Variants in EDC4 observed in about 807,000 individuals in gnomAD.
The protein encoded by EDC4 is enhancer of mRNA-decapping protein 4.
Under a neutral mutation model 155.8 loss-of-function variants are expected in EDC4, and 64 were observed. That is an observed-to-expected ratio of 0.41 (90% CI 0.34 to 0.51). The LOEUF is 0.51. Among genes scored for constraint, EDC4 ranks in the 20% least tolerant of loss-of-function variants. The probability of loss-of-function intolerance (pLI) is 0.19; values close to 1 mark genes in which losing one functional copy is unlikely to be tolerated. For synonymous variants in EDC4, 684 were observed against 716.8 expected (o/e 0.95, Z 0.73); for missense variants, 1,303 against 1,812.5 (o/e 0.72, Z 5.10).
In EDC4 at chr16:67,880,887, C is replaced by T. The variant is rs1172544318; in HGVS notation, c.2428C>T (p.Leu810Phe). 6.2e-7 allele frequency: 1 copy of T among 1,613,882 alleles called. No individual in the cohort carries two copies. Among genetic ancestry groups the T allele is most frequent in the East Asian group, 2.2e-5 (1 of 44,892 alleles). The change falls in exon 18 of 29, where the codon CTC becomes TTC. Residue 810 changes from leucine (L) to phenylalanine (F), a missense_variant. Physicochemically the swap from Leu to Phe is conservative, Grantham distance 22 (BLOSUM62 0). Transcript: ENST00000358933. This position sits in a 1 kb window ranked among gnomAD's most constrained non-coding sequence, Gnocchi z 5.2. ...GDGDRHNTPSLLEAALTQEAS... is the reference protein window; with the variant it reads ...GDGDRHNTPSFLEAALTQEAS... ...TGGAGATCGGCATAATACCCCCTCC[C>T]TCCTGGAGGCAGCCTTGACCCAGGA...
Position 67,879,903 on chromosome 16 carries a change from TAGC to T in EDC4, c.1882_1884del (p.Ser629del). The T allele has an allele frequency of 6.2e-7, 1 of 1,613,314 alleles. No homozygotes were observed. The highest frequency in any genetic ancestry group is 8.5e-7 in the Non-Finnish European group (1 of 1,179,656). On this transcript the variant is annotated inframe_deletion, in exon 16 of 29. Coordinates refer to ENST00000358933, the MANE Select transcript of EDC4 (RefSeq NM_014329.5). The surrounding 1 kb of genome is among the most constrained non-coding windows in gnomAD (Gnocchi z 6.0). ...GCGGTAGCAGCAGCAGCAGCAGCAG[TAGC>T]AGCAGCTCCCTTACAGCTGTGTCTG...
Position 67,881,154 on chromosome 16 carries a change from C to T in EDC4, c.2610C>T (p.Asp870=), listed in dbSNP as rs1252677840. The part of the protein sequence containing the change: ...RPPYHLLQQR[D]SQDASAEQSD... ...CATATCACCTGCTGCAGCAACGTGA[C>T]AGCCAGGATGCCAGTGCTGAGCAAA... The change falls in exon 19 of 29, where the codon GAC becomes GAT. Residue 870 remains aspartate, a synonymous_variant. Coordinates refer to ENST00000358933, the MANE Select transcript of EDC4 (RefSeq NM_014329.5). The surrounding 1 kb of genome is among the most constrained non-coding windows in gnomAD (Gnocchi z 5.4). The T allele has an allele frequency of 1.2e-6, 2 of 1,614,156 alleles. No individual in the cohort carries two copies. Among genetic ancestry groups the T allele is most frequent in the South Asian group, 1.1e-5 (1 of 91,082 alleles).
At position 67,876,893 on chromosome 16, in the gene EDC4, C is replaced by G. The variant is rs2058043951; in HGVS notation, c.372C>G (p.Ala124=). The part of the protein sequence containing the change: ...GSNKVKIQPV[A]KYDWEQKYYY... ...CTCAGGTGAAAATTCAGCCTGTCGC[C>G]AAGTATGACTGGGAACAGAAGTACT... Residue 124 remains alanine, a synonymous_variant, in exon 4 of 29, where the codon GCC becomes GCG. Coordinates refer to ENST00000358933, the MANE Select transcript of EDC4 (RefSeq NM_014329.5). The surrounding 1 kb of genome is among the most constrained non-coding windows in gnomAD (Gnocchi z 5.8). 1 of 1,614,066 alleles carries G rather than the reference C, an allele frequency of 6.2e-7. No individual in the cohort carries two copies. Among genetic ancestry groups the G allele is most frequent in the African/African-American group, 1.3e-5 (1 of 74,946 alleles).
At position 67,882,619 on chromosome 16, in the gene EDC4, G is replaced by T. The variant is rs777869582; in HGVS notation, c.3442+25G>T. 2 of 1,614,250 alleles carry T rather than the reference G, an allele frequency of 1.2e-6. No homozygotes were observed. The highest frequency in any genetic ancestry group is 1.7e-6 in the Non-Finnish European group (2 of 1,180,052). On this transcript the variant is annotated intron_variant, in intron 25 of 28. Coordinates refer to ENST00000358933, the MANE Select transcript of EDC4 (RefSeq NM_014329.5). This position sits in a 1 kb window ranked among gnomAD's most constrained non-coding sequence, Gnocchi z 7.2. ...TGTGAGTGGGGTCATATGGCCCAAG[G>T]TGGGAGGGGTTATCCTCTTTCCTAC...
In EDC4 at chr16:67,877,322, A is replaced by G; in HGVS notation, c.557A>G (p.His186Arg). Residue 186 changes from histidine (H) to arginine (R), a missense_variant, in exon 5 of 29, where the codon CAC becomes CGC. Around this residue, in one of 5 missense-constraint regions of EDC4, gnomAD observed 235 missense variants for 367.7 expected, o/e 0.64. Coordinates refer to ENST00000358933, the MANE Select transcript of EDC4 (RefSeq NM_014329.5). The surrounding 1 kb of genome is among the most constrained non-coding windows in gnomAD (Gnocchi z 4.9). ...AGTGTGGCTGATCTGGCTTTCGCGCACCTCAACTCTCCACAGCTGGCCTGC... is the reference window on the plus strand; with the variant it reads ...AGTGTGGCTGATCTGGCTTTCGCGCGCCTCAACTCTCCACAGCTGGCCTGC... Reference protein sequence around the residue: ...TGSVADLAFAHLNSPQLACLD... With the variant: ...TGSVADLAFARLNSPQLACLD... 6.2e-7 allele frequency: 1 copy of G among 1,614,074 alleles called. No individual in the cohort carries two copies. The highest frequency in any genetic ancestry group is 8.5e-7 in the Non-Finnish European group (1 of 1,180,026).
chr16:67,874,471 C>T lies in EDC4; in HGVS notation c.82+1128C>T, dbSNP rs374652631. Among the ~76,000 whole-genome samples the T allele has an allele frequency of 1.2e-3, 189 of 152,270 alleles. 2 individuals are homozygous for T. The Middle Eastern group carries it at 0.031, about 25-fold the overall frequency. ...CTTTGTCCCAGGCCTGGAGTGTGTG[C>T]CCTCTTTACTCATGAGTTGGGCGTG... On this transcript the variant is annotated intron_variant, in intron 1 of 28. Coordinates refer to ENST00000358933, the MANE Select transcript of EDC4 (RefSeq NM_014329.5).
rs2058041366 is a variant in EDC4, at chr16:67,876,405, G to A, written c.240-83G>A. 1.3e-6 allele frequency: 2 copies of A among 1,550,326 alleles called. No individual in the cohort carries two copies. Among genetic ancestry groups the A allele is most frequent in the South Asian group, 1.2e-5 (1 of 81,908 alleles). On this transcript the variant is annotated intron_variant, in intron 2 of 28. Transcript: ENST00000358933. This position sits in a 1 kb window ranked among gnomAD's most constrained non-coding sequence, Gnocchi z 5.8. ...TTGGACTAGATACCTTCCCCAGTCT[G>A]GCTATGTCCTCGCTTCCTCCCAACC...
At position 67,881,283 on chromosome 16, in the gene EDC4, G is replaced by A. The variant is rs376988427; in HGVS notation, c.2655G>A (p.Val885=). The change falls in exon 20 of 29, where the codon GTG becomes GTA. Residue 885 remains valine (V), a synonymous_variant. Coordinates refer to ENST00000358933, the MANE Select transcript of EDC4 (RefSeq NM_014329.5). The surrounding 1 kb of genome is among the most constrained non-coding windows in gnomAD (Gnocchi z 5.4). ...CCCACAGTGACCATGATGATGAGGT[G>A]GCCAGCCTTGCCTCTGCTTCAGGAG... is the stretch of plus-strand genomic sequence containing the variant. ...SAEQSDHDDE[V]ASLASASGGF... 1 of 1,614,082 alleles carries A rather than the reference G, an allele frequency of 6.2e-7. No individual in the cohort carries two copies. Among genetic ancestry groups the A allele is most frequent in the South Asian group, 1.1e-5 (1 of 91,082 alleles).
At chr16:67,875,342 G>T (rs942294223) in intron 1 of EDC4, among the ~76,000 whole-genome samples, 5 of 152,132 alleles carry the variant, frequency 3.3e-5, no homozygotes, top group African/African-American at 4.8e-5. Context: ...GCCCTTCCAT[G>T]CCTTAGGAGC....
At position 67,880,790 on chromosome 16, in the gene EDC4, C is replaced by T. The variant is rs2151305709; in HGVS notation, c.2331C>T (p.His777=). The T allele has an allele frequency of 2.5e-6, 4 of 1,614,068 alleles. No individual in the cohort carries two copies. The highest frequency in any genetic ancestry group is 1.1e-5 in the South Asian group (1 of 91,088). ...DSMASAASAL[H]LLSPRPRPGP... ...TGGCTTCAGCCGCCTCGGCACTGCACCTGCTGTCCCCACGGCCCCGGCCAG... is the reference window on the plus strand; with the variant it reads ...TGGCTTCAGCCGCCTCGGCACTGCATCTGCTGTCCCCACGGCCCCGGCCAG... Residue 777 remains histidine, a synonymous_variant, in exon 18 of 29, where the codon CAC becomes CAT. Coordinates refer to ENST00000358933, the MANE Select transcript of EDC4 (RefSeq NM_014329.5). This position sits in a 1 kb window ranked among gnomAD's most constrained non-coding sequence, Gnocchi z 5.2.
At position 67,882,405 on chromosome 16, in the gene EDC4, C is replaced by T. The variant is rs1489129377; in HGVS notation, c.3277-24C>T. On this transcript the variant is annotated intron_variant, in intron 24 of 28. Transcript: ENST00000358933. This position sits in a 1 kb window ranked among gnomAD's most constrained non-coding sequence, Gnocchi z 7.2. ...GGCCAGGCTGGGCTCAGGCTTTCAACTTGGCCCCTCCCTCTAACCCCAGAA... is the reference window on the plus strand; with the variant it reads ...GGCCAGGCTGGGCTCAGGCTTTCAATTTGGCCCCTCCCTCTAACCCCAGAA... 1.2e-6 allele frequency: 2 copies of T among 1,612,386 alleles called. No individual in the cohort carries two copies. Among genetic ancestry groups the T allele is most frequent in the East Asian group, 4.5e-5 (2 of 44,838 alleles).
rs536161425 is a variant in EDC4 at position 67,876,502 on chromosome 16, A to G, written c.254A>G (p.Asp85Gly). 4 of 1,613,994 alleles carry G rather than the reference A, an allele frequency of 2.5e-6. No individual in the cohort carries two copies. Among genetic ancestry groups the G allele is most frequent in the Non-Finnish European group, 2.5e-6 (3 of 1,180,012 alleles). Residue 85 changes from aspartate (D) to glycine (G), a missense_variant, in exon 3 of 29, where the codon GAT becomes GGT. Around this residue, in one of 5 missense-constraint regions of EDC4, gnomAD observed 99 missense variants for 121.3 expected, o/e 0.82. Coordinates refer to ENST00000358933, the MANE Select transcript of EDC4 (RefSeq NM_014329.5). The surrounding 1 kb of genome is among the most constrained non-coding windows in gnomAD (Gnocchi z 5.8). ...QEKQVICLSG[D>G]DSSTCIGILA... ...CTTCCCCACAGCTGTCTCTCAGGAGATGATAGCTCCACCTGCATTGGGATT... is the reference window on the plus strand; with the variant it reads ...CTTCCCCACAGCTGTCTCTCAGGAGGTGATAGCTCCACCTGCATTGGGATT...
chr16:67,873,399 G>T (rs2058028666), intron 1 of EDC4, 56 bp downstream of exon 1: 6 of 1,328,026 alleles, frequency 4.5e-6, no homozygotes, highest in Non-Finnish European at 5.9e-6. Context: ...GGCGGCGCGC[G>T]TCTGAACCGC....
rs768061826 is a variant in EDC4 at position 67,877,379 on chromosome 16, G to A, written c.614G>A (p.Arg205His). 76 of 1,613,414 alleles carry A rather than the reference G, an allele frequency of 4.7e-5. No homozygotes were observed. Among genetic ancestry groups the A allele is most frequent in the Non-Finnish European group, 6.2e-5 (73 of 1,179,866 alleles). Residue 205 changes from arginine (R) to histidine (H), a missense_variant, in exon 5 of 29, where the codon CGC becomes CAC. By Grantham distance (29) the Arg-to-His change is conservative. This residue lies in a region of EDC4 where 235 missense variants were observed against 367.7 expected (regional missense o/e 0.64). Coordinates refer to ENST00000358933, the MANE Select transcript of EDC4 (RefSeq NM_014329.5). This position sits in a 1 kb window ranked among gnomAD's most constrained non-coding sequence, Gnocchi z 4.9. ...LDEAGNLFVW[R>H]LALVNGKIQE... is the part of the protein sequence containing the mutation. ...GAGGCAGGCAACCTGTTCGTGTGGC[G>A]CTTGGCTCTGGTTAATGGCAAAATT...
In EDC4 at chr16:67,883,369, T is replaced by C. The variant is rs1349156453; in HGVS notation, c.3849+192T>C. ...CCCTTTCTTCCCACCTAGCCCACCT[T>C]GCTTTACAACTACCCTTCTCAGGAA... On this transcript the variant is annotated intron_variant, in intron 27 of 28. Transcript: ENST00000358933. This position sits in a 1 kb window ranked among gnomAD's most constrained non-coding sequence, Gnocchi z 5.3. 1 of 1,289,050 alleles carries C rather than the reference T, an allele frequency of 7.8e-7. No homozygotes were observed. Among genetic ancestry groups the C allele is most frequent in the Non-Finnish European group, 1.1e-6 (1 of 940,316 alleles). 79.9% of individuals were successfully genotyped at this position (1,289,050 alleles called of 1,614,324 possible). A position where few individuals can be genotyped will look rare whatever the true frequency, so the allele number is the denominator to read the frequency against.
rs776968666 is a variant in EDC4 at position 67,880,869 on chromosome 16, C to A, written c.2410C>A (p.Arg804=). 6.2e-7 allele frequency: 1 copy of A among 1,613,894 alleles called. No homozygotes were observed. The highest frequency in any genetic ancestry group is 8.5e-7 in the Non-Finnish European group (1 of 1,180,014). Residue 804 remains arginine (R), a synonymous_variant, in exon 18 of 29, where the codon CGG becomes AGG. Transcript: ENST00000358933. The surrounding 1 kb of genome is among the most constrained non-coding windows in gnomAD (Gnocchi z 5.2). ...TGATGGAGGCCCTGGGGATGGAGAT[C>A]GGCATAATACCCCCTCCCTCCTGGA... ...GLDGGPGDGD[R]HNTPSLLEAA... is the part of the protein sequence containing the mutation.
chr16:67,883,650 G>A lies in EDC4; in HGVS notation c.3932G>A (p.Cys1311Tyr). The A allele has an allele frequency of 3.1e-6, 5 of 1,614,162 alleles. No individual in the cohort carries two copies. Among genetic ancestry groups the A allele is most frequent in the Non-Finnish European group, 4.2e-6 (5 of 1,180,030 alleles). Residue 1311 changes from cysteine to tyrosine, a missense_variant, in exon 28 of 29, where the codon TGC becomes TAC. Physicochemically the swap from Cys to Tyr is radical, Grantham distance 194. Transcript: ENST00000358933. The surrounding 1 kb of genome is among the most constrained non-coding windows in gnomAD (Gnocchi z 5.3). ...DPAQVFGQPP[C>Y]PLSQPVLLSL... is the part of the protein sequence containing the mutation. ...GCCCAGGTTTTTGGGCAGCCACCCT[G>A]CCCGCTCTCCCAGCCTGTGCTCCTT...
Position 67,884,203 on chromosome 16 carries a change from C to A in EDC4, c.*55C>A. 2 of 1,493,790 alleles carry A rather than the reference C, an allele frequency of 1.3e-6. No individual in the cohort carries two copies. Among genetic ancestry groups the A allele is most frequent in the Non-Finnish European group, 1.8e-6 (2 of 1,111,496 alleles). 92.5% of individuals were successfully genotyped at this position (1,493,790 alleles called of 1,614,324 possible). A position where few individuals can be genotyped will look rare whatever the true frequency, so the allele number is the denominator to read the frequency against. On this transcript the variant is annotated 3_prime_UTR_variant, in exon 29 of 29. Transcript: ENST00000358933. This position sits in a 1 kb window ranked among gnomAD's most constrained non-coding sequence, Gnocchi z 4.1. ...ATGGCACTGAAGGCCAGCAGACAGG[C>A]CTAGGCTGGGGCAGGGTCACGGCTG...
At position 67,883,643 on chromosome 16, in the gene EDC4, C is replaced by G; in HGVS notation, c.3925C>G (p.Pro1309Ala). Residue 1309 changes from proline to alanine, a missense_variant, in exon 28 of 29, where the codon CCA becomes GCA. By Grantham distance (27) the Pro-to-Ala change is conservative. Around this residue, in one of 5 missense-constraint regions of EDC4, gnomAD observed 527 missense variants for 757.0 expected, o/e 0.70. Coordinates refer to ENST00000358933, the MANE Select transcript of EDC4 (RefSeq NM_014329.5). This position sits in a 1 kb window ranked among gnomAD's most constrained non-coding sequence, Gnocchi z 5.3. ...GGACCCAGCCCAGGTTTTTGGGCAG[C>G]CACCCTGCCCGCTCTCCCAGCCTGT... ...TVDPAQVFGQPPCPLSQPVLL... is the reference protein window; with the variant it reads ...TVDPAQVFGQAPCPLSQPVLL... 1.9e-6 allele frequency: 3 copies of G among 1,614,142 alleles called. No individual in the cohort carries two copies. The highest frequency in any genetic ancestry group is 1.7e-5 in the Admixed American group (1 of 60,028).
Sources: allele counts gnomAD v4.1 joint callset (sites outside exome capture counted in the v4.1 genomes callset), GRCh38; gene constraint gnomAD v4.1.1; regional missense constraint gnomAD v4.1.1; non-coding constraint Gnocchi (gnomAD v3.1); transcripts MANE v1.5; gene names NCBI Gene and HGNC (gene_info 2026-07-23, HGNC 2026-07-21).